MYO1E: variants seen among roughly 807,000 people sequenced by gnomAD.
MYO1E encodes the protein unconventional myosin-Ie.
MYO1E carries 68 observed loss-of-function variants against 151.1 expected under a neutral mutation model. That is an observed-to-expected ratio of 0.45 (90% confidence interval 0.37 to 0.55). The LOEUF is 0.55. Ranked by LOEUF, MYO1E falls within the 20% of genes least tolerant of loss-of-function variation. MYO1E has a pLI of 0.00. For missense variants in MYO1E, 1,363 were observed against 1,389.3 expected (o/e 0.98, Z 0.30); for synonymous variants, 601 against 501.7 (o/e 1.20, Z -2.64).
intron 1 of MYO1E, among the ~76,000 whole-genome samples, chr15:59,318,666 C>G (rs747538803): frequency 1.3e-5 from 2 of 152,162 alleles, no homozygotes; most frequent in Non-Finnish European, 2.9e-5. Context: ...TAGTAGAAGC[C>G]TACCAGAATG....
chr15:59,341,486 G>C (rs1329703332), intron 1 of MYO1E: 2 of 151,878 alleles, frequency 1.3e-5, no homozygotes, highest in Non-Finnish European at 2.9e-5. Flanking sequence ...CATAACCCCT[G>C]TCTCCCCAGT....
rs1207624642 is a variant in MYO1E at position 59,147,610 on chromosome 15, A to AAAAAAAC, written c.3080+5979_3080+5980insGTTTTTT. Among the ~76,000 whole-genome samples, 12 of 151,344 alleles carry AAAAAAAC rather than the reference A, an allele frequency of 7.9e-5. No individual in the cohort carries two copies. The East Asian group carries it at 2.3e-3, about 29-fold the overall frequency. On this transcript the variant is annotated intron_variant, in intron 26 of 27. Coordinates refer to ENST00000288235, the MANE Select transcript of MYO1E (RefSeq NM_004998.4). ...AGACTCTGTCTCAAAAAAAAAAAAAAAAAAACAATACAAAAAAAAGAAAGG... is the reference window on the plus strand; with the variant it reads ...AGACTCTGTCTCAAAAAAAAAAAAAAAAAAAACAAAAACAATACAAAAAAAAGAAAGG...
At chr15:59,340,239 G>C (rs2080756960) in intron 1 of MYO1E, among the ~76,000 whole-genome samples, 2 of 152,222 alleles carry the variant, frequency 1.3e-5, no homozygotes, top group South Asian at 4.2e-4. Context: ...GAACCCAGGA[G>C]ATCGAGGCTG....
intron 1 of MYO1E, among the ~76,000 whole-genome samples, chr15:59,276,000 G>A (rs1487478350): frequency 6.6e-6 from 1 of 152,152 alleles, no homozygotes; most frequent in Non-Finnish European, 1.5e-5. Context: ...TTGTTACCAC[G>A]CACTATCCTA....
In MYO1E at chr15:59,154,040, T is replaced by C. The variant is rs77995928; in HGVS notation, c.2879-249A>G. Among the ~76,000 whole-genome samples, 176 of 152,334 alleles carry C rather than the reference T, an allele frequency of 1.2e-3. 5 individuals are homozygous for C. The East Asian group carries it at 0.031, about 27-fold the overall frequency. ...AATAAAATTGTATGTATTTAACATG[T>C]ACAACAATGCATGGTCAACTTCCCG... On this transcript the variant is annotated intron_variant, in intron 25 of 27. Coordinates refer to ENST00000288235, the MANE Select transcript of MYO1E (RefSeq NM_004998.4).
In MYO1E at chr15:59,309,683, A is replaced by G. The variant is rs186580714; in HGVS notation, c.4-37234T>C. Among the ~76,000 whole-genome samples the G allele has an allele frequency of 2.6e-5, 4 of 152,338 alleles. No individual in the cohort carries two copies. In the East Asian group the frequency reaches 5.8e-4, roughly 22 times the overall value. On this transcript the variant is annotated intron_variant, in intron 1 of 27. Transcript: ENST00000288235. ...TCCGTTTAGAGAAATCTTCCCAGAAAGGCCAAATGTGTGTCTTTCTGCCTT... is the reference window on the plus strand; with the variant it reads ...TCCGTTTAGAGAAATCTTCCCAGAAGGGCCAAATGTGTGTCTTTCTGCCTT...
chr15:59,333,066 C>T (rs2080707496), intron 1 of MYO1E, among the ~76,000 whole-genome samples: 1 of 152,106 alleles, frequency 6.6e-6, no homozygotes, highest in East Asian at 1.9e-4. Flanking sequence ...TCTGGATTGG[C>T]CATACACAGT....
intron 12 of MYO1E, 38 bp from the exon 13 acceptor site, chr15:59,210,638 G>C: frequency 7.0e-7 from 1 of 1,422,178 alleles, no homozygotes; most frequent in East Asian, 2.3e-5. Context: ...TTATTTCCCA[G>C]ATAGCAAGAG....
chr15:59,267,023 T>A (rs2080259642), intron 2 of MYO1E: 2 of 129,528 alleles, frequency 1.5e-5, no homozygotes, highest in African/African-American at 5.9e-5. Context: ...TAAAATCTTT[T>A]TTTTTTTTTT....
intron 16 of MYO1E, among the ~76,000 whole-genome samples, chr15:59,196,986 C>CTTTTTT (rs71977305): frequency 0.076 from 5,448 of 71,416 alleles, 1,758 homozygotes; most frequent in Non-Finnish European, 0.1. Context: ...TTAATTACGA[C>CTTTTTT]TTTTTTTTTT....
chr15:59,272,516 C>T lies in MYO1E; in HGVS notation c.4-67G>A. 2.7e-6 allele frequency: 4 copies of T among 1,508,102 alleles called. No homozygotes were observed. The East Asian group carries it at 6.8e-5, about 26-fold the overall frequency. The allele number at this position is 1,508,102 out of a possible 1,614,324, so 93.4% of individuals were successfully genotyped here. ...CCCCTGTAGTAACAAAGACAAAATG[C>T]TGTTAATTTCCCAAATATTCTTAAA... is the stretch of plus-strand genomic sequence containing the variant. On this transcript the variant is annotated intron_variant, in intron 1 of 27. Transcript: ENST00000288235.
At position 59,174,210 on chromosome 15, in the gene MYO1E, TTCTCTC is replaced by T. The variant is rs2079611514; in HGVS notation, c.2074_2079del (p.Glu692_Arg693del). ...ATCACTCGAGCATACCCATCATACT[TTCTCTC>T]TCTCATCTCTTCTAAAAGAAATAGC... On this transcript the variant is annotated inframe_deletion, in exon 20 of 28. Coordinates refer to ENST00000288235, the MANE Select transcript of MYO1E (RefSeq NM_004998.4). 1 of 1,613,952 alleles carries T rather than the reference TTCTCTC, an allele frequency of 6.2e-7. No individual in the cohort carries two copies. Among genetic ancestry groups the T allele is most frequent in the Non-Finnish European group, 8.5e-7 (1 of 1,179,888 alleles).
intron 10 of MYO1E, among the ~76,000 whole-genome samples, chr15:59,215,478 A>G (rs1023041468): frequency 6.6e-6 from 1 of 152,066 alleles, no homozygotes; most frequent in Non-Finnish European, 1.5e-5. Flanking sequence ...GTTCTTAATC[A>G]CCGTGAGAAG....
chr15:59,140,335 C>A (rs1330425039), intron 26 of MYO1E, among the ~76,000 whole-genome samples: 2 of 152,204 alleles, frequency 1.3e-5, no homozygotes, highest in African/African-American at 4.8e-5. Context: ...GAGATCTTTA[C>A]ACTTATACCT....
At chr15:59,216,948 C>T (rs867160907) in intron 10 of MYO1E, among the ~76,000 whole-genome samples, 3 of 151,418 alleles carry the variant, frequency 2.0e-5, no homozygotes, top group African/African-American at 4.9e-5. Flanking sequence ...TCAGATCACT[C>T]GCTCTGGGGA....
chr15:59,172,037 T>A lies in MYO1E; in HGVS notation c.2340A>T (p.Val780=), dbSNP rs2079598327. 1 of 1,613,904 alleles carries A rather than the reference T, an allele frequency of 6.2e-7. No individual in the cohort carries two copies. Among genetic ancestry groups the A allele is most frequent in the African/African-American group, 1.3e-5 (1 of 74,938 alleles). The change falls in exon 22 of 28, where the codon GTA becomes GTT. Residue 780 remains valine, a synonymous_variant. Coordinates refer to ENST00000288235, the MANE Select transcript of MYO1E (RefSeq NM_004998.4). ...TTGGGGTAAGGAGCAGGTCTCGCTTTACACCCTGTAAGGAGAGGAGCTTTA... is the reference window on the plus strand; with the variant it reads ...TTGGGGTAAGGAGCAGGTCTCGCTTAACACCCTGTAAGGAGAGGAGCTTTA... ...VTKYDRRFKG[V]KRDLLLTPKC... is the part of the protein sequence containing the mutation.
chr15:59,255,371 A>G (rs1206386707), intron 4 of MYO1E, among the ~76,000 whole-genome samples: 17 of 151,824 alleles, frequency 1.1e-4, no homozygotes, highest in Admixed American at 1.1e-3. Flanking sequence ...AGCCACCCCA[A>G]CTGGAGTTAG....
chr15:59,155,493 T>G (rs1596344635), intron 25 of MYO1E, among the ~76,000 whole-genome samples: 1 of 152,172 alleles, frequency 6.6e-6, no homozygotes, highest in South Asian at 2.1e-4. Flanking sequence ...ATTGTCTCAT[T>G]TTTTTGATGA....
chr15:59,151,165 G>A (rs1459959009), intron 26 of MYO1E, among the ~76,000 whole-genome samples: 3 of 151,986 alleles, frequency 2.0e-5, no homozygotes, highest in Non-Finnish European at 4.4e-5. Flanking sequence ...GGTGGCTCAC[G>A]CCTGTAATCC....
Sources: allele counts gnomAD v4.1 joint callset (sites outside exome capture counted in the v4.1 genomes callset), GRCh38; gene constraint gnomAD v4.1.1; transcripts MANE v1.5; gene names NCBI Gene and HGNC (gene_info 2026-07-23, HGNC 2026-07-21).